Variants in UBASH3B observed in about 807,000 individuals in gnomAD.
UBASH3B encodes the protein ubiquitin-associated and SH3 domain-containing protein B.
Under a neutral mutation model 83.4 loss-of-function variants are expected in UBASH3B, and 37 were observed. The ratio of observed to expected loss-of-function variants is 0.44; its 90% CI spans 0.34 to 0.58. The LOEUF (loss-of-function observed/expected upper bound fraction) is 0.58. Among genes scored for constraint, UBASH3B ranks in the 20% least tolerant of loss-of-function variants. The pLI is 0.01. For synonymous variants in UBASH3B, 304 were observed against 318.3 expected (o/e 0.96, Z 0.48); for missense variants, 657 against 827.2 (o/e 0.79, Z 2.52).
chr11:122,703,596 T>A (rs909645518), intron 1 of UBASH3B, among the ~76,000 whole-genome samples: 1 of 152,200 alleles, frequency 6.6e-6, no homozygotes, highest in Non-Finnish European at 1.5e-5. Flanking sequence ...GAAGTTTAGA[T>A]CATGTCTGAA....
chr11:122,733,603 CG>C (rs1381343486), intron 1 of UBASH3B, among the ~76,000 whole-genome samples: 4 of 152,170 alleles, frequency 2.6e-5, no homozygotes, highest in Non-Finnish European at 5.9e-5. Flanking sequence ...ATCCTCCATT[CG>C]CAGCTGCCTT....
chr11:122,737,664 GC>G (rs1565546899), intron 1 of UBASH3B, among the ~76,000 whole-genome samples: 2 of 151,908 alleles, frequency 1.3e-5, no homozygotes, highest in African/African-American at 4.8e-5. Flanking sequence ...TGGATGCTCT[GC>G]CCTGAGCCAA....
At chr11:122,737,950 C>A in intron 1 of UBASH3B, among the ~76,000 whole-genome samples, 1 of 152,030 alleles carries the variant, frequency 6.6e-6, no homozygotes, top group African/African-American at 2.4e-5. Flanking sequence ...CTGAGGAATA[C>A]TAGCAATTAA....
At chr11:122,673,022 C>T (rs1863619895) in intron 1 of UBASH3B, among the ~76,000 whole-genome samples, 1 of 152,202 alleles carries the variant, frequency 6.6e-6, no homozygotes, top group Non-Finnish European at 1.5e-5. Flanking sequence ...TGGAATTGAG[C>T]AATGGCCTTA....
intron 1 of UBASH3B, among the ~76,000 whole-genome samples, chr11:122,720,111 A>C (rs1449197613): frequency 6.6e-6 from 1 of 152,046 alleles, no homozygotes; most frequent in Non-Finnish European, 1.5e-5. Flanking sequence ...ATATGCTGAC[A>C]ACTCCTGCAC....
At chr11:122,798,081 C>T (rs1326518734) in intron 9 of UBASH3B, among the ~76,000 whole-genome samples, 1 of 151,878 alleles carries the variant, frequency 6.6e-6, no homozygotes, top group Admixed American at 6.6e-5. Context: ...ACCTGGAGTT[C>T]GAGGCTGCAC....
Position 122,681,989 on chromosome 11 carries a change from C to T in UBASH3B, c.161+25779C>T, listed in dbSNP as rs1385106359. ...GACTCATCACTGCCACCCAGGGTGG[C>T]CCAGCTGTCAGAACAAGATGGGCCC... On this transcript the variant is annotated intron_variant, in intron 1 of 13. Coordinates refer to ENST00000284273, the MANE Select transcript of UBASH3B (RefSeq NM_032873.5). 2.0e-5 allele frequency among the ~76,000 whole-genome samples: 3 copies of T among 152,080 alleles called. No homozygotes were observed. In the East Asian group the frequency reaches 5.8e-4, roughly 29 times the overall value.
intron 4 of UBASH3B, 124 bp downstream of exon 4, chr11:122,779,819 G>GAAAAA: frequency 8.5e-7 from 1 of 1,170,634 alleles, no homozygotes; most frequent in Non-Finnish European, 1.2e-6. Context: ...CTGCAGGAAT[G>GAAAAA]GACGTGTGAC....
chr11:122,768,575 G>A (rs552005235), intron 1 of UBASH3B, among the ~76,000 whole-genome samples: 15 of 149,916 alleles, frequency 1.0e-4, no homozygotes, highest in Admixed American at 4.7e-4. Flanking sequence ...GCACAATCTC[G>A]GCTTGCTGCA....
chr11:122,656,391 G>T (rs1009327291), intron 1 of UBASH3B, among the ~76,000 whole-genome samples, 181 bp downstream of exon 1: 1 of 152,188 alleles, frequency 6.6e-6, no homozygotes, highest in South Asian at 2.1e-4. Flanking sequence ...GCGGGGGTGC[G>T]GGGGAAGACG....
At chr11:122,730,756 C>T (rs1021475941) in intron 1 of UBASH3B, among the ~76,000 whole-genome samples, 55 of 152,128 alleles carry the variant, frequency 3.6e-4, no homozygotes, top group Middle Eastern at 3.4e-3. Flanking sequence ...CCACCACGCC[C>T]GGCTCATTTT....
intron 1 of UBASH3B, among the ~76,000 whole-genome samples, chr11:122,690,252 C>A (rs1164569001): frequency 1.7e-4 from 14 of 80,322 alleles, no homozygotes; most frequent in South Asian, 3.8e-4. Context: ...ATATATATAT[C>A]CAATTATATA....
At chr11:122,737,402 A>G (rs558167205) in intron 1 of UBASH3B, among the ~76,000 whole-genome samples, 2 of 152,336 alleles carry the variant, frequency 1.3e-5, no homozygotes, top group African/African-American at 4.8e-5. Context: ...ACACATGGAC[A>G]GGACCTAATG....
intron 1 of UBASH3B, among the ~76,000 whole-genome samples, chr11:122,710,843 C>G (rs570389803): frequency 1.3e-3 from 201 of 149,424 alleles, no homozygotes; most frequent in African/African-American, 4.5e-3. Context: ...GGTGGGTAGG[C>G]TTTGTCCTGG....
At chr11:122,765,027 G>A (rs922735444) in intron 1 of UBASH3B, among the ~76,000 whole-genome samples, 1 of 151,330 alleles carries the variant, frequency 6.6e-6, no homozygotes, top group African/African-American at 2.4e-5. Context: ...AAAAAAAAAT[G>A]TAGGGGGAAG....
chr11:122,720,007 G>A (rs937091157), intron 1 of UBASH3B, among the ~76,000 whole-genome samples: 6 of 152,030 alleles, frequency 3.9e-5, no homozygotes, highest in Non-Finnish European at 8.8e-5. Context: ...GTAAATATTG[G>A]AGAGCCCTCA....
At chr11:122,746,309 T>G (rs1861117570) in intron 1 of UBASH3B, among the ~76,000 whole-genome samples, 1 of 152,120 alleles carries the variant, frequency 6.6e-6, no homozygotes, top group Admixed American at 6.5e-5. Context: ...GTAGGGAGGT[T>G]CCATGCCAAA....
intron 1 of UBASH3B, among the ~76,000 whole-genome samples, chr11:122,714,296 C>T (rs1217305013): frequency 6.6e-6 from 1 of 152,224 alleles, no homozygotes; most frequent in Admixed American, 6.5e-5. Context: ...CAAGACTGCG[C>T]TTGAACTCCT....
chr11:122,685,119 A>T (rs879942002), intron 1 of UBASH3B, among the ~76,000 whole-genome samples: 3 of 152,248 alleles, frequency 2.0e-5, no homozygotes, highest in Non-Finnish European at 4.4e-5. Flanking sequence ...TCCTTGGATT[A>T]TCACTGAATT....
Sources: allele counts gnomAD v4.1 joint callset (sites outside exome capture counted in the v4.1 genomes callset), GRCh38; gene constraint gnomAD v4.1.1; transcripts MANE v1.5; gene names NCBI Gene and HGNC (gene_info 2026-07-23, HGNC 2026-07-21).